PRDM16: variants seen among roughly 807,000 people sequenced by gnomAD.
PRDM16 encodes the protein histone-lysine N-methyltransferase PRDM16.
A neutral mutation model predicts 110.6 loss-of-function variants in PRDM16; 23 were observed. That is an observed-to-expected ratio of 0.21 (90% CI 0.15 to 0.29). The LOEUF (loss-of-function observed/expected upper bound fraction) is 0.29, where lower values mean the gene tolerates loss of function less well. PRDM16 is among the 10% of genes least tolerant of loss of function. PRDM16 has a pLI of 1.00. For synonymous variants in PRDM16, 799 were observed against 781.8 expected (o/e 1.02, Z -0.37); for missense variants, 1,615 against 1,794.3 (o/e 0.90, Z 1.81).
chr1:3,262,903 C>T (rs1640194330), intron 3 of PRDM16, among the ~76,000 whole-genome samples: 1 of 152,176 alleles, frequency 6.6e-6, no homozygotes, highest in Non-Finnish European at 1.5e-5. Context: ...CGGTGTGCTG[C>T]CGCGACGGTG....
intron 3 of PRDM16, among the ~76,000 whole-genome samples, chr1:3,299,543 C>T (rs1233230797): frequency 0.034 from 3,127 of 91,940 alleles, 8 homozygotes; most frequent in Non-Finnish European, 0.044. Flanking sequence ...ATGCTGTGGC[C>T]GTGATGTTTC....
intron 2 of PRDM16, among the ~76,000 whole-genome samples, chr1:3,197,581 GC>G (rs1211753010): frequency 3.9e-5 from 6 of 152,272 alleles, no homozygotes; most frequent in Non-Finnish European, 8.8e-5. Flanking sequence ...GCGGCAGGAA[GC>G]AACTGGACCA....
At chr1:3,367,393 G>A (rs1021776519) in intron 3 of PRDM16, among the ~76,000 whole-genome samples, 4 of 152,234 alleles carry the variant, frequency 2.6e-5, no homozygotes, top group Admixed American at 6.5e-5. Flanking sequence ...CATGGCAGAC[G>A]TGACTTGGGA....
At chr1:3,336,096 T>A (rs1023854354) in intron 3 of PRDM16, among the ~76,000 whole-genome samples, 3 of 151,996 alleles carry the variant, frequency 2.0e-5, no homozygotes, top group African/African-American at 7.3e-5. Flanking sequence ...CTGAGAACAG[T>A]GAAGATGAAG....
At chr1:3,329,430 C>T (rs534139730) in intron 3 of PRDM16, among the ~76,000 whole-genome samples, 27 of 152,268 alleles carry the variant, frequency 1.8e-4, no homozygotes, top group African/African-American at 5.5e-4. Flanking sequence ...ATGGGATCCC[C>T]GGACAGAGCC....
chr1:3,072,707 G>C (rs146758878), intron 1 of PRDM16, among the ~76,000 whole-genome samples: 10 of 152,224 alleles, frequency 6.6e-5, no homozygotes, highest in East Asian at 5.8e-4. Flanking sequence ...GAGCCAGGAC[G>C]GCAGCCTTCC....
At chr1:3,253,714 GTA>G (rs1639990847) in intron 3 of PRDM16, among the ~76,000 whole-genome samples, 1 of 152,122 alleles carries the variant, frequency 6.6e-6, no homozygotes, top group African/African-American at 2.4e-5. Flanking sequence ...AGTCCTTTGG[GTA>G]TATACCCAGT....
chr1:3,099,791 G>A (rs78858014), intron 1 of PRDM16, among the ~76,000 whole-genome samples: 1,586 of 152,340 alleles, frequency 0.01, 27 homozygotes, highest in African/African-American at 0.035. Flanking sequence ...CACTCCCAGC[G>A]TCCCTTATAT....
chr1:3,076,076 C>T (rs901162297), intron 1 of PRDM16, among the ~76,000 whole-genome samples: 3 of 152,208 alleles, frequency 2.0e-5, no homozygotes, highest in South Asian at 2.1e-4. Flanking sequence ...CTTGGCAAAG[C>T]GGCTTTCTGA....
At chr1:3,168,538 C>T (rs1330326178) in intron 1 of PRDM16, among the ~76,000 whole-genome samples, 1 of 150,376 alleles carries the variant, frequency 6.6e-6, no homozygotes, top group Non-Finnish European at 1.5e-5. Flanking sequence ...AATGAGAAGT[C>T]CGGAGAAAGA....
chr1:3,212,079 A>G (rs1638898539), intron 2 of PRDM16, among the ~76,000 whole-genome samples: 1 of 151,826 alleles, frequency 6.6e-6, no homozygotes, highest in Admixed American at 6.6e-5. Context: ...GCTCCCGGGG[A>G]CCCTGCTAAT....
chr1:3,169,887 C>T (rs943788468), intron 1 of PRDM16, among the ~76,000 whole-genome samples: 8 of 152,326 alleles, frequency 5.3e-5, no homozygotes, highest in African/African-American at 1.9e-4. Flanking sequence ...TGATTAATAG[C>T]GGGGGGACTG....
intron 1 of PRDM16, among the ~76,000 whole-genome samples, chr1:3,139,685 C>T (rs1643509026): frequency 6.6e-6 from 1 of 152,222 alleles, no homozygotes; most frequent in Admixed American, 6.5e-5. Flanking sequence ...GTGCAGAGAA[C>T]TTTGTGAGAG....
At position 3,385,739 on chromosome 1, in the gene PRDM16, CG is replaced by C. The variant is rs142746200; in HGVS notation, c.573+459del. Among the ~76,000 whole-genome samples the C allele has an allele frequency of 9.3e-3, 1,420 of 152,332 alleles. 22 individuals carry two copies. Among genetic ancestry groups the C allele is most frequent in the African/African-American group, 0.032 (1,327 of 41,566 alleles). On this transcript the variant is annotated intron_variant, in intron 4 of 16. Transcript: ENST00000270722. ...CGCACCGGCCAATGAGGCAGCCACTCGGGGGGCCTCCTAGAGCCTCCGGGGC... is the reference window on the plus strand; with the variant it reads ...CGCACCGGCCAATGAGGCAGCCACTCGGGGGCCTCCTAGAGCCTCCGGGGC...
At chr1:3,361,145 G>A (rs550416595) in intron 3 of PRDM16, among the ~76,000 whole-genome samples, 3 of 152,330 alleles carry the variant, frequency 2.0e-5, no homozygotes, top group South Asian at 2.1e-4. Context: ...GCTCTGGGGC[G>A]TGGACAGAGG....
intron 1 of PRDM16, among the ~76,000 whole-genome samples, chr1:3,128,279 C>T (rs1003096030): frequency 1.3e-5 from 2 of 150,836 alleles, no homozygotes; most frequent in African/African-American, 5.0e-5. Flanking sequence ...GAATCTGCTG[C>T]TCACTTTCAA....
chr1:3,234,582 G>C (rs992107366), intron 2 of PRDM16, among the ~76,000 whole-genome samples: 1 of 152,196 alleles, frequency 6.6e-6, no homozygotes, highest in African/African-American at 2.4e-5. Context: ...CCCATAGTCA[G>C]AGAGCCACCC....
intron 5 of PRDM16, among the ~76,000 whole-genome samples, chr1:3,399,460 T>C (rs1360873261): frequency 1.3e-5 from 2 of 152,136 alleles, no homozygotes; most frequent in Admixed American, 1.3e-4. Context: ...CTTACCTGCC[T>C]GGAAGACAGC....
chr1:3,409,763 GT>G (rs1643640483), intron 8 of PRDM16, among the ~76,000 whole-genome samples: 1 of 147,328 alleles, frequency 6.8e-6, no homozygotes, highest in Non-Finnish European at 1.5e-5. Flanking sequence ...GGGTGTGAGT[GT>G]GTGTGGTTGT....
Sources: gnomAD v4.1 joint callset for allele counts (sites outside exome capture counted in the v4.1 genomes callset) on GRCh38, gnomAD v4.1.1 for gene constraint, MANE v1.5 for transcripts, NCBI Gene and HGNC (gene_info 2026-07-23, HGNC 2026-07-21) for gene names.